ASIC2: variants seen among roughly 807,000 people sequenced by gnomAD.
ASIC2 encodes acid-sensing ion channel 2.
A neutral mutation model predicts 57.3 loss-of-function variants in ASIC2; 25 were observed. That is an observed-to-expected ratio of 0.44 (90% confidence interval 0.32 to 0.61). The LOEUF is 0.61. Ranked by LOEUF, ASIC2 falls within the 20% of genes least tolerant of loss-of-function variation. The pLI, the probability that ASIC2 is intolerant of heterozygous loss-of-function variation, is 0.06. For synonymous variants in ASIC2, 319 were observed against 307.5 expected (o/e 1.04, Z -0.39); for missense variants, 641 against 738.1 (o/e 0.87, Z 1.52).
intron 1 of ASIC2, among the ~76,000 whole-genome samples, chr17:33,474,140 G>A (rs1004802389): frequency 1.3e-5 from 2 of 152,196 alleles, no homozygotes; most frequent in African/African-American, 2.4e-5. Context: ...GCTGAGGCAA[G>A]CGAATCATCT....
chr17:33,749,577 C>T (rs1302568815), intron 1 of ASIC2, among the ~76,000 whole-genome samples: 2 of 152,108 alleles, frequency 1.3e-5, no homozygotes, highest in Non-Finnish European at 2.9e-5. Flanking sequence ...TGGCTGTCCC[C>T]ATCTGGACCG....
At chr17:34,060,331 A>C (rs1597999808) in intron 1 of ASIC2, among the ~76,000 whole-genome samples, 1 of 152,342 alleles carries the variant, frequency 6.6e-6, no homozygotes, top group South Asian at 2.1e-4. Flanking sequence ...TGTGAGAAAA[A>C]AGAATCTGAA....
intron 1 of ASIC2, among the ~76,000 whole-genome samples, chr17:33,725,422 GGCAGCCT>G (rs1256216603): frequency 2.0e-5 from 3 of 152,070 alleles, no homozygotes; most frequent in Non-Finnish European, 2.9e-5. Context: ...AGGCAGGCAG[GGCAGCCT>G]GCAGTGATGG....
At chr17:34,132,022 T>C (rs1911988310) in intron 1 of ASIC2, among the ~76,000 whole-genome samples, 1 of 152,180 alleles carries the variant, frequency 6.6e-6, no homozygotes, top group South Asian at 2.1e-4. Context: ...ACACCATCTC[T>C]TATGCCCTAT....
At chr17:33,940,784 A>G (rs1381566860) in intron 1 of ASIC2, among the ~76,000 whole-genome samples, 2 of 152,232 alleles carry the variant, frequency 1.3e-5, no homozygotes, top group Non-Finnish European at 2.9e-5. Flanking sequence ...GGGGGATCTG[A>G]TCTAGTCTTG....
At chr17:34,010,929 C>T (rs971485982) in intron 1 of ASIC2, among the ~76,000 whole-genome samples, 9 of 148,598 alleles carry the variant, frequency 6.1e-5, no homozygotes, top group African/African-American at 2.2e-4. Flanking sequence ...CACAAACACA[C>T]ATACACAGAC....
At chr17:33,885,680 G>A (rs1914811657) in intron 1 of ASIC2, among the ~76,000 whole-genome samples, 1 of 152,122 alleles carries the variant, frequency 6.6e-6, no homozygotes, top group Non-Finnish European at 1.5e-5. Flanking sequence ...TGTGTCCTAT[G>A]TGCTATTTAT....
intron 1 of ASIC2, among the ~76,000 whole-genome samples, chr17:34,088,104 AG>A (rs1470769619): frequency 6.6e-6 from 1 of 152,200 alleles, no homozygotes; most frequent in African/African-American, 2.4e-5. Flanking sequence ...CCTTTGGAGG[AG>A]GAGAGGCGCT....
intron 4 of ASIC2, among the ~76,000 whole-genome samples, chr17:33,026,316 G>T (rs1438584936): frequency 1.3e-5 from 2 of 152,186 alleles, no homozygotes; most frequent in Admixed American, 6.5e-5. Flanking sequence ...AGACTAGGGA[G>T]GTGGTGGTAA....
chr17:33,115,354 A>G (rs888205685), intron 1 of ASIC2, among the ~76,000 whole-genome samples: 1 of 152,162 alleles, frequency 6.6e-6, no homozygotes, highest in Admixed American at 6.5e-5. Context: ...TATCAAGTCA[A>G]GACCACCAGC....
intron 1 of ASIC2, among the ~76,000 whole-genome samples, chr17:34,060,475 A>T (rs1411333805): frequency 6.6e-6 from 1 of 152,218 alleles, no homozygotes; most frequent in Non-Finnish European, 1.5e-5. Context: ...GTTCACCAGC[A>T]ATGGATCCAA....
intron 1 of ASIC2, among the ~76,000 whole-genome samples, chr17:33,761,472 A>G (rs115167562): frequency 1.5e-3 from 226 of 152,244 alleles, no homozygotes; most frequent in African/African-American, 5.3e-3. Context: ...ACTGATTCAG[A>G]GGGACCACTC....
chr17:33,153,165 C>T (rs900920216), intron 1 of ASIC2, among the ~76,000 whole-genome samples: 26 of 152,236 alleles, frequency 1.7e-4, no homozygotes, highest in Non-Finnish European at 7.3e-5. Flanking sequence ...AGAATTGAAG[C>T]ACCCTCCCAA....
At chr17:33,568,600 C>T (rs1441335733) in intron 1 of ASIC2, among the ~76,000 whole-genome samples, 1 of 152,162 alleles carries the variant, frequency 6.6e-6, no homozygotes, top group Non-Finnish European at 1.5e-5. Flanking sequence ...CAGAGTTAAT[C>T]ATTCATCCCT....
intron 1 of ASIC2, among the ~76,000 whole-genome samples, chr17:33,734,723 G>A (rs1195871197): frequency 6.6e-6 from 1 of 152,148 alleles, no homozygotes; most frequent in Non-Finnish European, 1.5e-5. Flanking sequence ...AGAGACACCA[G>A]AGTGCATCTT....
At chr17:33,665,410 G>A (rs3115681) in intron 1 of ASIC2, among the ~76,000 whole-genome samples, 1 of 152,288 alleles carries the variant, frequency 6.6e-6, no homozygotes, top group African/African-American at 2.4e-5. Context: ...CGTTGGCACA[G>A]AGGGTAGGGT....
chr17:33,760,006 G>A (rs1382901373), intron 1 of ASIC2, among the ~76,000 whole-genome samples: 1 of 152,108 alleles, frequency 6.6e-6, no homozygotes, highest in Admixed American at 6.6e-5. Context: ...CCAGCCTCCA[G>A]AACTCTAAGA....
In ASIC2 at chr17:33,418,028, ATGTGTG is replaced by A. The variant is rs1161141315; in HGVS notation, c.556-305967_556-305962del. Among the ~76,000 whole-genome samples the A allele has an allele frequency of 9.4e-3, 636 of 67,802 alleles. 4 individuals are homozygous for A. The highest frequency in any genetic ancestry group is 0.018 in the Middle Eastern group (2 of 110). 44.5% of individuals were successfully genotyped at this position (67,802 alleles called of 152,430 possible). A position where few individuals can be genotyped will look rare whatever the true frequency, so the allele number is the denominator to read the frequency against. On this transcript the variant is annotated intron_variant, in intron 1 of 9. Transcript: ENST00000359872. The stretch of plus-strand genomic sequence containing the variant: ...CCACTCTGGCTCTCAGCATGTATGT[ATGTGTG>A]TGTGTGTGTGTGTGTGTGTGTGTGT...
chr17:33,473,744 G>A (rs1397297563), intron 1 of ASIC2, among the ~76,000 whole-genome samples: 1 of 152,148 alleles, frequency 6.6e-6, no homozygotes, highest in African/African-American at 2.4e-5. Context: ...AGCTCCAGGT[G>A]TTCCAGTATT....
Sources: allele counts gnomAD v4.1 joint callset (sites outside exome capture counted in the v4.1 genomes callset), GRCh38; gene constraint gnomAD v4.1.1; transcripts MANE v1.5; gene names NCBI Gene and HGNC (gene_info 2026-07-23, HGNC 2026-07-21).